Variants in IMMP2L observed in about 807,000 individuals in gnomAD.
IMMP2L encodes the protein mitochondrial inner membrane protease subunit 2.
A neutral mutation model predicts 19.3 loss-of-function variants in IMMP2L; 18 were observed. That is an observed-to-expected ratio of 0.93 (90% CI 0.64 to 1.38). The LOEUF (loss-of-function observed/expected upper bound fraction) is 1.38, where lower values mean the gene tolerates loss of function less well. Among genes scored for constraint, IMMP2L ranks in the 40% most tolerant of loss-of-function variants. The pLI, the probability that IMMP2L is intolerant of heterozygous loss-of-function variation, is 0.00. For synonymous variants in IMMP2L, 76 were observed against 73.0 expected (o/e 1.04, Z -0.21); for missense variants, 233 against 218.2 (o/e 1.07, Z -0.43).
At chr7:111,351,995 T>C (rs1344268791) in intron 3 of IMMP2L, among the ~76,000 whole-genome samples, 2 of 152,208 alleles carry the variant, frequency 1.3e-5, no homozygotes, top group African/African-American at 4.8e-5. Context: ...AGAATGGCAC[T>C]TGACAGAGAA....
chr7:111,518,559 A>G (rs1434326977), intron 2 of IMMP2L, among the ~76,000 whole-genome samples: 1 of 152,154 alleles, frequency 6.6e-6, no homozygotes, highest in Non-Finnish European at 1.5e-5. Context: ...AGAGAAATTT[A>G]AAGAGAAGAA....
intron 3 of IMMP2L, among the ~76,000 whole-genome samples, chr7:111,138,532 G>A (rs761936873): frequency 3.3e-5 from 5 of 152,070 alleles, no homozygotes; most frequent in Non-Finnish European, 5.9e-5. Context: ...TTATATAACC[G>A]CTTATGCTAT....
intron 3 of IMMP2L, among the ~76,000 whole-genome samples, chr7:111,446,786 G>A (rs1838502653): frequency 6.6e-6 from 1 of 152,060 alleles, no homozygotes; most frequent in Non-Finnish European, 1.5e-5. Context: ...TCAAAGCAAA[G>A]GCAAAGAAGT....
At chr7:111,522,404 A>G (rs1273220164) in intron 1 of IMMP2L, among the ~76,000 whole-genome samples, 1 of 152,136 alleles carries the variant, frequency 6.6e-6, no homozygotes, top group Non-Finnish European at 1.5e-5. Flanking sequence ...TAAGGAAACT[A>G]TACTTCTGAC....
chr7:111,173,329 A>G (rs2129609512), intron 3 of IMMP2L, among the ~76,000 whole-genome samples: 1 of 151,718 alleles, frequency 6.6e-6, no homozygotes, highest in South Asian at 2.1e-4. Flanking sequence ...CATTGCTAAA[A>G]CAACTTTCTA....
intron 3 of IMMP2L, among the ~76,000 whole-genome samples, chr7:111,196,982 C>G (rs948234081): frequency 2.0e-5 from 3 of 152,150 alleles, no homozygotes; most frequent in Non-Finnish European, 4.4e-5. Context: ...TGAGCTACTT[C>G]CAGTTTTTCG....
chr7:111,121,656 G>A (rs141389685), intron 3 of IMMP2L, among the ~76,000 whole-genome samples: 2,592 of 152,256 alleles, frequency 0.017, 44 homozygotes, highest in Admixed American at 0.056. Context: ...TTCAACCATT[G>A]TAGAAGACAG....
intron 3 of IMMP2L, among the ~76,000 whole-genome samples, chr7:111,242,016 G>T (rs964825932): frequency 6.6e-6 from 1 of 151,988 alleles, no homozygotes; most frequent in Non-Finnish European, 1.5e-5. Context: ...ACCAATATGT[G>T]AAATAGGTTT....
chr7:111,374,769 G>GAA (rs928962220), intron 3 of IMMP2L, among the ~76,000 whole-genome samples: 1 of 152,088 alleles, frequency 6.6e-6, no homozygotes, highest in Admixed American at 6.6e-5. Flanking sequence ...ACCCAAGTGA[G>GAA]AAAACAAAGT....
At chr7:110,888,204 G>A (rs867189325) in intron 4 of IMMP2L, among the ~76,000 whole-genome samples, 1 of 152,098 alleles carries the variant, frequency 6.6e-6, no homozygotes, top group Non-Finnish European at 1.5e-5. Flanking sequence ...TGAAAAACAA[G>A]TTGAACACAT....
At chr7:111,109,175 T>G (rs1798897115) in intron 3 of IMMP2L, among the ~76,000 whole-genome samples, 1 of 152,096 alleles carries the variant, frequency 6.6e-6, no homozygotes, top group Non-Finnish European at 1.5e-5. Flanking sequence ...AACAAACATC[T>G]AGAATGTGTA....
intron 3 of IMMP2L, among the ~76,000 whole-genome samples, chr7:111,211,800 T>C (rs1216399323): frequency 6.6e-6 from 1 of 151,858 alleles, no homozygotes; most frequent in African/African-American, 2.4e-5. Context: ...GAGACCATCC[T>C]GGCTAACACG....
At chr7:111,133,686 T>C (rs1802058818) in intron 3 of IMMP2L, among the ~76,000 whole-genome samples, 1 of 152,032 alleles carries the variant, frequency 6.6e-6, no homozygotes, top group African/African-American at 2.4e-5. Flanking sequence ...ATTTCAATCC[T>C]AACTCCCTAT....
chr7:111,222,739 A>G (rs1456844859), intron 3 of IMMP2L, among the ~76,000 whole-genome samples: 1 of 152,092 alleles, frequency 6.6e-6, no homozygotes, highest in Admixed American at 6.6e-5. Flanking sequence ...AGTGTATAAA[A>G]TAGCAAAACT....
intron 4 of IMMP2L, among the ~76,000 whole-genome samples, chr7:110,933,575 C>T (rs546784604): frequency 4.1e-4 from 62 of 152,260 alleles, no homozygotes; most frequent in African/African-American, 1.3e-3. Context: ...AGAAAATTTT[C>T]TTTAAACTCT....
intron 3 of IMMP2L, among the ~76,000 whole-genome samples, chr7:111,286,630 A>C (rs1383562028): frequency 6.6e-6 from 1 of 152,210 alleles, no homozygotes; most frequent in Admixed American, 6.5e-5. Context: ...GGTCTCCGAG[A>C]AAAAACAGGA....
chr7:110,797,735 A>T (rs1722485583), intron 5 of IMMP2L, among the ~76,000 whole-genome samples: 1 of 151,988 alleles, frequency 6.6e-6, no homozygotes, highest in Non-Finnish European at 1.5e-5. Flanking sequence ...AGACACTGCT[A>T]GTCCCTAGAG....
chr7:111,158,010 A>G (rs1388040945), intron 3 of IMMP2L, among the ~76,000 whole-genome samples: 1 of 152,076 alleles, frequency 6.6e-6, no homozygotes, highest in Non-Finnish European at 1.5e-5. Context: ...TCTGGCCCCG[A>G]TGACATCATT....
chr7:110,854,947 C>G (rs755204013), intron 5 of IMMP2L, among the ~76,000 whole-genome samples: 15 of 151,836 alleles, frequency 9.9e-5, no homozygotes, highest in Non-Finnish European at 2.1e-4. Flanking sequence ...GCTTCTAGAT[C>G]CGTCTTTCCT....
Sources: gnomAD v4.1 joint callset for allele counts (sites outside exome capture counted in the v4.1 genomes callset) on GRCh38, gnomAD v4.1.1 for gene constraint, MANE v1.5 for transcripts, NCBI Gene and HGNC (gene_info 2026-07-23, HGNC 2026-07-21) for gene names.